Variants in ESPNL observed in about 807,000 individuals in gnomAD.
ESPNL encodes the protein espin-like protein.
ESPNL carries 49 observed loss-of-function variants against 46.8 expected under a neutral mutation model. The observed-to-expected ratio is 1.05, with a 90% CI of 0.83 to 1.33. ESPNL has a LOEUF of 1.33. Ranked by LOEUF, ESPNL falls within the 40% of genes most tolerant of loss-of-function variation. The pLI, the probability that ESPNL is intolerant of heterozygous loss-of-function variation, is 0.00. For missense variants in ESPNL, 1,540 were observed against 1,436.6 expected (o/e 1.07, Z -1.16); for synonymous variants, 664 against 662.1 (o/e 1.00, Z -0.04).
intron 4 of ESPNL, among the ~76,000 whole-genome samples, chr2:238,109,241 G>A (rs1342434469): frequency 6.6e-6 from 1 of 152,212 alleles, no homozygotes; most frequent in Non-Finnish European, 1.5e-5. Flanking sequence ...TTTTAAAGCA[G>A]CAAAATCTTC....
intron 5 of ESPNL, among the ~76,000 whole-genome samples, chr2:238,123,098 G>A (rs770438653): frequency 2.0e-5 from 3 of 152,172 alleles, no homozygotes; most frequent in South Asian, 4.1e-4. Context: ...CAGCTGTGCC[G>A]CATAGGTCTG....
chr2:238,116,802 C>T (rs1403600492), intron 4 of ESPNL, 101 bp from the exon 5 acceptor site: 6 of 1,436,466 alleles, frequency 4.2e-6, no homozygotes, highest in South Asian at 1.3e-5. Flanking sequence ...GGCATCAGGG[C>T]AGCCTGCGCC....
At chr2:238,101,857 G>T in intron 1 of ESPNL, 84 bp from the exon 2 acceptor site, 1 of 1,005,806 alleles carries the variant, frequency 9.9e-7, no homozygotes, top group Admixed American at 2.1e-5. Context: ...GGCAGTGTGA[G>T]CCCTCGCCCA....
chr2:238,112,219 T>TTTTTTTTTTTGAGAC (rs1691730230), intron 4 of ESPNL, among the ~76,000 whole-genome samples: 1 of 151,848 alleles, frequency 6.6e-6, no homozygotes, highest in African/African-American at 2.4e-5. Context: ...TTTTATGTGT[T>TTTTTTTTTTTGAGAC]GGTTTCAGCA....
Position 238,131,023 on chromosome 2 carries a change from A to G in ESPNL, c.2309A>G (p.His770Arg). Residue 770 changes from histidine (H) to arginine (R), a missense_variant, in exon 9 of 9, where the codon CAC (histidine) becomes CGC (arginine). By Grantham distance (29) the His-to-Arg change is conservative. Transcript: ENST00000343063. ...GCCTGCAGGACCCTAGGAGCCCGCC[A>G]CGCGGGGTTGCGGGGCCAGGAGGCC... The part of the protein sequence containing the change: ...TVACRTLGAR[H>R]AGLRGQEAAR... 2 of 1,540,398 alleles carry G rather than the reference A, an allele frequency of 1.3e-6. No individual in the cohort carries two copies. The highest frequency in any genetic ancestry group is 3.9e-5 in the Admixed American group (2 of 50,866).
intron 4 of ESPNL, among the ~76,000 whole-genome samples, chr2:238,113,299 C>A (rs1691751445): frequency 6.6e-6 from 1 of 152,188 alleles, no homozygotes; most frequent in South Asian, 2.1e-4. Flanking sequence ...TTTTCATCAG[C>A]CTGACAGTCT....
At chr2:238,130,105 C>T in intron 8 of ESPNL, 23 bp from the exon 9 acceptor site, 1 of 1,594,632 alleles carries the variant, frequency 6.3e-7, no homozygotes, top group Admixed American at 1.7e-5. Context: ...TCACCCTGCT[C>T]ACCCTGCCCT....
chr2:238,100,792 A>C (rs1691450914), intron 1 of ESPNL, 79 bp downstream of exon 1: 1 of 1,261,438 alleles, frequency 7.9e-7, no homozygotes, highest in African/African-American at 1.6e-5. Flanking sequence ...GGAGGATCAG[A>C]GTACTGGCCA....
chr2:238,118,397 GAA>G (rs1691873415), intron 5 of ESPNL, among the ~76,000 whole-genome samples: 4 of 77,208 alleles, frequency 5.2e-5, no homozygotes, highest in South Asian at 3.8e-4. Context: ...AGGGTGGATG[GAA>G]GAGGGTGGAC....
chr2:238,118,889 A>G (rs377188614), intron 5 of ESPNL, among the ~76,000 whole-genome samples: 31 of 90,058 alleles, frequency 3.4e-4, no homozygotes, highest in Non-Finnish European at 3.5e-4. Flanking sequence ...AATGGATGAA[A>G]GAGTTGGACG....
At position 238,116,804 on chromosome 2, in the gene ESPNL, G is replaced by A. The variant is rs553412157; in HGVS notation, c.856-99G>A. 47 of 1,452,640 alleles carry A rather than the reference G, an allele frequency of 3.2e-5. No homozygotes were observed. The Admixed American group carries it at 6.0e-4, about 19-fold the overall frequency. 90.0% of individuals were successfully genotyped at this position (1,452,640 alleles called of 1,614,324 possible). ...CCCTGCTGGGAAGGGCATCAGGGCA[G>A]CCTGCGCCATGGGGCAGGGGAGCGG... is the stretch of plus-strand genomic sequence containing the variant. On this transcript the variant is annotated intron_variant, in intron 4 of 8. Coordinates refer to ENST00000343063, the MANE Select transcript of ESPNL (RefSeq NM_194312.4).
In ESPNL at chr2:238,128,687, A is replaced by G. The variant is rs762986839; in HGVS notation, c.1216-20A>G. The stretch of plus-strand genomic sequence containing the variant: ...CCTGGGTCCCCTTCGGGCCTGTGTG[A>G]CCCACCCCCTTCTGCACAGGGGACA... On this transcript the variant is annotated intron_variant, in intron 7 of 8. Transcript: ENST00000343063. 6 of 1,582,396 alleles carry G rather than the reference A, an allele frequency of 3.8e-6. No individual in the cohort carries two copies. The highest frequency in any genetic ancestry group is 1.7e-4 in the Middle Eastern group (1 of 5,848).
At chr2:238,123,566 G>A (rs13392664) in intron 5 of ESPNL, among the ~76,000 whole-genome samples, 26,793 of 152,056 alleles carry the variant, frequency 0.18, 2,496 homozygotes, top group East Asian at 0.24. Context: ...ACAGTTAAAG[G>A]TTCCGTGGTA....
rs183590638 is a variant in ESPNL, at chr2:238,101,333, G to A, written c.295-608G>A. Among the ~76,000 whole-genome samples, 119 of 152,286 alleles carry A rather than the reference G, an allele frequency of 7.8e-4. 1 individual carries two copies. Among genetic ancestry groups the A allele is most frequent in the African/African-American group, 2.7e-3 (112 of 41,562 alleles). ...GGCCGGTGGGGCCTGCTTAGACTGC[G>A]GAGCGGGAAGGTTCCCCAGCACCTG... On this transcript the variant is annotated intron_variant, in intron 1 of 8. Transcript: ENST00000343063.
Position 238,130,349 on chromosome 2 carries a change from G to T in ESPNL, c.1635G>T (p.Leu545=), listed in dbSNP as rs2106480538. ...TGCAGGCCCTGCTGCCCGAGCCCCTGGTCAGCATCACGGTCAACAGCCACT... is the reference window on the plus strand; with the variant it reads ...TGCAGGCCCTGCTGCCCGAGCCCCTTGTCAGCATCACGGTCAACAGCCACT... The part of the protein sequence containing the change: ...AELQALLPEP[L]VSITVNSHFL... Residue 545 remains leucine (L), a synonymous_variant, in exon 9 of 9, where the codon CTG becomes CTT. Coordinates refer to ENST00000343063, the MANE Select transcript of ESPNL (RefSeq NM_194312.4). 6.2e-7 allele frequency: 1 copy of T among 1,609,930 alleles called. No individual in the cohort carries two copies.
chr2:238,129,706 C>T (rs1692238530), intron 8 of ESPNL, among the ~76,000 whole-genome samples: 2 of 152,246 alleles, frequency 1.3e-5, no homozygotes, highest in African/African-American at 2.4e-5. Flanking sequence ...CTGTGTCCAG[C>T]GCAATCCTGC....
chr2:238,102,554 G>A (rs1341962132), intron 2 of ESPNL, among the ~76,000 whole-genome samples: 3 of 152,188 alleles, frequency 2.0e-5, no homozygotes, highest in Non-Finnish European at 4.4e-5. Flanking sequence ...TGGGGACACA[G>A]AGGCTGGAGC....
intron 3 of ESPNL, among the ~76,000 whole-genome samples, chr2:238,105,243 C>T (rs978189778): frequency 2.6e-5 from 4 of 152,122 alleles, no homozygotes; most frequent in Non-Finnish European, 5.9e-5. Context: ...CCCAGGCCAG[C>T]CCCCACCTTC....
chr2:238,123,451 T>G (rs1293234274), intron 5 of ESPNL, among the ~76,000 whole-genome samples: 1 of 152,094 alleles, frequency 6.6e-6, no homozygotes, highest in African/African-American at 2.4e-5. Context: ...GTACCGTAGG[T>G]GGGGCTGGGG....
Sources: gnomAD v4.1 joint callset for allele counts (sites outside exome capture counted in the v4.1 genomes callset) on GRCh38, gnomAD v4.1.1 for gene constraint, MANE v1.5 for transcripts, NCBI Gene and HGNC (gene_info 2026-07-23, HGNC 2026-07-21) for gene names.